PKIB: variants seen among roughly 807,000 people sequenced by gnomAD.
PKIB encodes PKI-beta.
A neutral mutation model predicts 4.5 loss-of-function variants in PKIB; 2 were observed. The observed-to-expected ratio is 0.44, with a 90% CI of 0.18 to 1.39. The LOEUF (loss-of-function observed/expected upper bound fraction) is 1.39, where lower values mean the gene tolerates loss of function less well. PKIB is among the 40% of genes most tolerant of loss of function. The probability of loss-of-function intolerance (pLI) is 0.27; values close to 1 mark genes in which losing one functional copy is unlikely to be tolerated. For missense variants in PKIB, 94 were observed against 92.6 expected, an observed-to-expected ratio of 1.02 and a Z score of -0.06; for synonymous variants, 38 against 36.0, an observed-to-expected ratio of 1.06 and a Z score of -0.20.
chr6:122,583,238 T>G (rs1291122393), intron 2 of PKIB, among the ~76,000 whole-genome samples: 1 of 152,034 alleles, frequency 6.6e-6, no homozygotes, highest in Non-Finnish European at 1.5e-5. Context: ...TCAGAAACAT[T>G]TTATTTCTAG....
chr6:122,541,729 T>C (rs1777610594), intron 2 of PKIB, among the ~76,000 whole-genome samples: 1 of 152,044 alleles, frequency 6.6e-6, no homozygotes, highest in South Asian at 2.1e-4. Context: ...AATGTTGGCC[T>C]GCCTTGCTAG....
chr6:122,614,286 G>A (rs1426036160), intron 1 of PKIB, among the ~76,000 whole-genome samples: 2 of 152,198 alleles, frequency 1.3e-5, no homozygotes, highest in Non-Finnish European at 2.9e-5. Flanking sequence ...TTCTCAGATT[G>A]GAAAGAGGGC....
intron 3 of PKIB, among the ~76,000 whole-genome samples, chr6:122,710,083 G>A (rs917807735): frequency 6.6e-6 from 1 of 151,874 alleles, no homozygotes; most frequent in Non-Finnish European, 1.5e-5. Flanking sequence ...GCTCATAATC[G>A]ATAGGTATCA....
At chr6:122,706,410 A>G (rs1562312653) in intron 3 of PKIB, among the ~76,000 whole-genome samples, 1 of 152,126 alleles carries the variant, frequency 6.6e-6, no homozygotes, top group Non-Finnish European at 1.5e-5. Flanking sequence ...CACTGTTTCT[A>G]TCACAATGCT....
At chr6:122,569,576 G>A (rs777491784) in intron 2 of PKIB, among the ~76,000 whole-genome samples, 2 of 152,170 alleles carry the variant, frequency 1.3e-5, no homozygotes, top group Admixed American at 6.5e-5. Context: ...CAGAGTCTAC[G>A]TCACTCCTCT....
chr6:122,511,470 TG>T (rs1776582534), intron 2 of PKIB, among the ~76,000 whole-genome samples: 1 of 152,204 alleles, frequency 6.6e-6, no homozygotes, highest in East Asian at 1.9e-4. Flanking sequence ...AGGAGTCCTT[TG>T]TCCATCGGTC....
At chr6:122,534,478 G>A (rs754587715) in intron 2 of PKIB, among the ~76,000 whole-genome samples, 1 of 151,946 alleles carries the variant, frequency 6.6e-6, no homozygotes, top group African/African-American at 2.4e-5. Context: ...AAAAGATCTC[G>A]TTGTATGCAG....
chr6:122,567,354 C>G (rs191584087), intron 2 of PKIB, among the ~76,000 whole-genome samples: 1 of 152,146 alleles, frequency 6.6e-6, no homozygotes, highest in African/African-American at 2.4e-5. Context: ...GAATTAAGCT[C>G]TATTCACTCA....
At chr6:122,596,946 A>G (rs1270983189) in intron 3 of PKIB, among the ~76,000 whole-genome samples, 1 of 152,200 alleles carries the variant, frequency 6.6e-6, no homozygotes, top group East Asian at 1.9e-4. Context: ...GGAATGTGTT[A>G]CTTTCAAAAT....
chr6:122,668,116 G>A (rs2114935038), intron 2 of PKIB, among the ~76,000 whole-genome samples: 1 of 152,264 alleles, frequency 6.6e-6, no homozygotes, highest in Non-Finnish European at 1.5e-5. Flanking sequence ...ATATGTAAAG[G>A]AAAGGTCATT....
At chr6:122,716,418 A>G (rs958912650) in intron 3 of PKIB, among the ~76,000 whole-genome samples, 2 of 152,192 alleles carry the variant, frequency 1.3e-5, no homozygotes, top group Non-Finnish European at 2.9e-5. Context: ...CATTCTCCAC[A>G]GTTGCCAAAT....
intron 2 of PKIB, among the ~76,000 whole-genome samples, chr6:122,655,920 G>T (rs562501066): frequency 1.4e-4 from 22 of 152,062 alleles, no homozygotes; most frequent in Admixed American, 2.6e-4. Flanking sequence ...CAGCTCTAGA[G>T]CTTTGAAACA....
chr6:122,638,459 C>G (rs1465873349), intron 2 of PKIB, among the ~76,000 whole-genome samples: 1 of 152,078 alleles, frequency 6.6e-6, no homozygotes, highest in African/African-American at 2.4e-5. Context: ...TGATTCTGGC[C>G]AATGCGTTGA....
chr6:122,618,955 A>G (rs1478496860), intron 1 of PKIB, among the ~76,000 whole-genome samples: 13 of 152,148 alleles, frequency 8.5e-5, no homozygotes. Flanking sequence ...ATACTAATAC[A>G]GTTTCAAAAA....
intron 3 of PKIB, among the ~76,000 whole-genome samples, chr6:122,679,632 G>T (rs911038796): frequency 6.6e-6 from 1 of 152,180 alleles, no homozygotes; most frequent in African/African-American, 2.4e-5. Flanking sequence ...GAGGGAAAAG[G>T]ATGCCTCCTG....
At chr6:122,541,594 T>G (rs188957572) in intron 2 of PKIB, among the ~76,000 whole-genome samples, 39 of 152,088 alleles carry the variant, frequency 2.6e-4, no homozygotes, top group African/African-American at 8.9e-4. Flanking sequence ...AACCTGACCT[T>G]TCTCTCTGGC....
chr6:122,543,120 CCTTT>C (rs1777659949), intron 2 of PKIB, among the ~76,000 whole-genome samples: 1 of 152,036 alleles, frequency 6.6e-6, no homozygotes, highest in Admixed American at 6.5e-5. Context: ...GTCTGTCACC[CCTTT>C]CTTTGACTAG....
chr6:122,567,920 T>C (rs1157910950), intron 2 of PKIB, among the ~76,000 whole-genome samples: 1 of 152,172 alleles, frequency 6.6e-6, no homozygotes, highest in Non-Finnish European at 1.5e-5. Flanking sequence ...TTAGTAATGT[T>C]TTACTGTTTA....
At chr6:122,627,425 C>G (rs1207529711) in intron 1 of PKIB, among the ~76,000 whole-genome samples, 1 of 152,142 alleles carries the variant, frequency 6.6e-6, no homozygotes, top group Non-Finnish European at 1.5e-5. Context: ...TGGATTTGAT[C>G]AATTGAGTGT....
Sources: gnomAD v4.1 joint callset for allele counts (sites outside exome capture counted in the v4.1 genomes callset) on GRCh38, gnomAD v4.1.1 for gene constraint, MANE v1.5 for transcripts, NCBI Gene and HGNC (gene_info 2026-07-23, HGNC 2026-07-21) for gene names.